Variants in FBXO31 observed in about 807,000 individuals in gnomAD.
The protein encoded by FBXO31 is F-box only protein 31.
FBXO31 carries 24 observed loss-of-function variants against 54.4 expected under a neutral mutation model. The observed-to-expected ratio is 0.44, with a 90% CI of 0.32 to 0.62. The LOEUF (loss-of-function observed/expected upper bound fraction) is 0.62, where lower values mean the gene tolerates loss of function less well. Ranked by LOEUF, FBXO31 falls within the 20% of genes least tolerant of loss-of-function variation. The probability of loss-of-function intolerance (pLI) is 0.05; values close to 1 mark genes in which losing one functional copy is unlikely to be tolerated. For missense variants in FBXO31, 665 were observed against 787.1 expected, an observed-to-expected ratio of 0.84 and a Z score of 1.86; for synonymous variants, 388 against 335.6, an observed-to-expected ratio of 1.16 and a Z score of -1.71.
In FBXO31 at chr16:87,383,563, G is replaced by C; in HGVS notation, c.182C>G (p.Pro61Arg). Residue 61 changes from proline (P) to arginine (R), a missense_variant, in exon 1 of 9, where the codon CCG becomes CGG. Physicochemically the swap from Pro to Arg is moderately radical, Grantham distance 103. This residue lies in a region of FBXO31 where 195 missense variants were observed against 174.8 expected (regional missense o/e 1.12). Transcript: ENST00000311635. The surrounding 1 kb of genome is among the most constrained non-coding windows in gnomAD (Gnocchi z 4.9). ...GGGLCAGPSP[P>R]PPRCSLLELP... ...CTCCAGCAGCGAGCAGCGCGGGGGC[G>C]GCGGCGAGGGGCCCGCGCACAAGCC... The C allele has an allele frequency of 2.0e-6, 3 of 1,525,978 alleles. 1 individual carries two copies. In the Middle Eastern group the frequency reaches 6.3e-4, roughly 318 times the overall value. 94.5% of individuals were successfully genotyped at this position (1,525,978 alleles called of 1,614,324 possible).
intron 2 of FBXO31, among the ~76,000 whole-genome samples, chr16:87,351,053 A>C (rs1905631358): frequency 6.6e-6 from 1 of 152,246 alleles, no homozygotes; most frequent in Non-Finnish European, 1.5e-5. Context: ...AACCATCCCA[A>C]GAGATGAGTC....
upstream of FBXO31, chr16:87,392,116 G>A (rs1907587146): frequency 3.5e-6 from 1 of 288,728 alleles, no homozygotes; most frequent in East Asian, 6.3e-5. Flanking sequence ...GGTGCTGGGC[G>A]GGGCTGGGGC....
At chr16:87,349,746 T>A (rs956027088) in intron 2 of FBXO31, among the ~76,000 whole-genome samples, 4 of 149,866 alleles carry the variant, frequency 2.7e-5, no homozygotes, top group African/African-American at 7.4e-5. Flanking sequence ...GCTATTTTTT[T>A]AAAATAAATT....
chr16:87,350,710 A>C (rs1040263093), intron 2 of FBXO31, among the ~76,000 whole-genome samples: 1 of 149,514 alleles, frequency 6.7e-6, no homozygotes, highest in Non-Finnish European at 1.5e-5. Context: ...TTTCATCATG[A>C]AATACTGGGG....
At chr16:87,353,403 T>C (rs1007368037) in intron 2 of FBXO31, among the ~76,000 whole-genome samples, 1 of 152,156 alleles carries the variant, frequency 6.6e-6, no homozygotes, top group Non-Finnish European at 1.5e-5. Flanking sequence ...CCCTAGAACC[T>C]CAGAATGTGG....
chr16:87,344,909 T>G (rs59083801), intron 3 of FBXO31, among the ~76,000 whole-genome samples: 17 of 80,696 alleles, frequency 2.1e-4, no homozygotes, highest in African/African-American at 3.8e-4. Flanking sequence ...GCCCATCCCT[T>G]CCCCAAACCC....
chr16:87,344,378 C>T (rs1365267784), intron 3 of FBXO31, among the ~76,000 whole-genome samples: 13 of 152,212 alleles, frequency 8.5e-5, no homozygotes, highest in Admixed American at 7.2e-4. Context: ...TGCGATCTCG[C>T]GTGTCCGGGC....
At chr16:87,344,395 C>A (rs891094) in intron 3 of FBXO31, among the ~76,000 whole-genome samples, 2 of 152,092 alleles carry the variant, frequency 1.3e-5, no homozygotes, top group South Asian at 4.1e-4. Context: ...GGGCGCCGAT[C>A]GTGCAAATGC....
In FBXO31 at chr16:87,383,344, G is replaced by A. The variant is rs550255330; in HGVS notation, c.340+61C>T. 2.3e-5 allele frequency: 32 copies of A among 1,362,472 alleles called. No individual in the cohort carries two copies. The Middle Eastern group carries it at 7.8e-4, about 33-fold the overall frequency. The allele number at this position is 1,362,472 out of a possible 1,614,324, so 84.4% of individuals were successfully genotyped here. On this transcript the variant is annotated intron_variant, in intron 1 of 8. Coordinates refer to ENST00000311635, the MANE Select transcript of FBXO31 (RefSeq NM_024735.5). The surrounding 1 kb of genome is among the most constrained non-coding windows in gnomAD (Gnocchi z 4.9). ...CACCGCCCCCGCCACTCCCAGCTCC[G>A]AGGCCTCCACCTGGCAGGGACCCCC...
chr16:87,388,642 G>C (rs1281436670), upstream of FBXO31: 1 of 152,192 alleles, frequency 6.6e-6, no homozygotes, highest in Non-Finnish European at 1.5e-5. Context: ...TGATTCATTT[G>C]ACAGGTTCTT....
chr16:87,385,368 G>T (rs1907292217), upstream of FBXO31, among the ~76,000 whole-genome samples: 1 of 151,758 alleles, frequency 6.6e-6, no homozygotes, highest in Non-Finnish European at 1.5e-5. Context: ...TGAGGCAGGA[G>T]AATGGTGTGA....
At chr16:87,380,990 AC>A (rs1437765904) in intron 1 of FBXO31, among the ~76,000 whole-genome samples, 3 of 152,156 alleles carry the variant, frequency 2.0e-5, no homozygotes, top group Non-Finnish European at 4.4e-5. Flanking sequence ...TCCCAAACAA[AC>A]CCCCCAGAGG....
chr16:87,380,629 C>T (rs115951476), intron 1 of FBXO31, among the ~76,000 whole-genome samples: 3,047 of 152,266 alleles, frequency 0.02, 108 homozygotes, highest in African/African-American at 0.07. Context: ...CTCAAGTGAT[C>T]TGCCAGCCTT....
Position 87,347,379 on chromosome 16 carries a change from G to A in FBXO31, c.413-129C>T. 3.9e-6 allele frequency: 3 copies of A among 765,874 alleles called. No homozygotes were observed. The Admixed American group carries it at 5.7e-5, about 15-fold the overall frequency. 47.4% of individuals were successfully genotyped at this position (765,874 alleles called of 1,614,324 possible). A position where few individuals can be genotyped will look rare whatever the true frequency, so the allele number is the denominator to read the frequency against. On this transcript the variant is annotated intron_variant, in intron 2 of 8. Coordinates refer to ENST00000311635, the MANE Select transcript of FBXO31 (RefSeq NM_024735.5). ...GCTTGCAAGAGCCCTCCAAACACATGCACACCAAGCCTCTAAAGATGTATC... is the reference window on the plus strand; with the variant it reads ...GCTTGCAAGAGCCCTCCAAACACATACACACCAAGCCTCTAAAGATGTATC...
At chr16:87,354,012 C>A (rs1455401695) in intron 2 of FBXO31, among the ~76,000 whole-genome samples, 4 of 152,266 alleles carry the variant, frequency 2.6e-5, no homozygotes, top group African/African-American at 7.2e-5. Context: ...TAATGGGATT[C>A]TGCCTCATGT....
intron 8 of FBXO31, 87 bp from the exon 9 acceptor site, chr16:87,331,597 T>A: frequency 8.9e-7 from 1 of 1,128,604 alleles, no homozygotes; most frequent in Non-Finnish European, 1.3e-6. Context: ...CCCCGCTCTG[T>A]GCCGCAAGAG....
At chr16:87,356,649 G>A (rs573203417) in intron 2 of FBXO31, among the ~76,000 whole-genome samples, 7 of 152,314 alleles carry the variant, frequency 4.6e-5, no homozygotes, top group Admixed American at 2.6e-4. Flanking sequence ...TCAGTAAAGC[G>A]GGACCCAGTT....
In FBXO31 at chr16:87,331,525, GAGGGA is replaced by G; in HGVS notation, c.1398-20_1398-16del. ...TGCCATAAAAACTGAGCAGAAACAA[GAGGGA>G]AACTGTGAGCTGGGGGAGGGCTGAG... On this transcript the variant is annotated splice_polypyrimidine_tract_variant and intron_variant, in intron 8 of 8. Coordinates refer to ENST00000311635, the MANE Select transcript of FBXO31 (RefSeq NM_024735.5). 1 of 1,583,306 alleles carries G rather than the reference GAGGGA, an allele frequency of 6.3e-7. No homozygotes were observed. Among genetic ancestry groups the G allele is most frequent in the Non-Finnish European group, 8.6e-7 (1 of 1,159,716 alleles).
At chr16:87,334,363 C>A in intron 7 of FBXO31, 77 bp from the exon 8 acceptor site, 1 of 1,363,932 alleles carries the variant, frequency 7.3e-7, no homozygotes, top group South Asian at 1.4e-5. Flanking sequence ...CAGCCCAGAT[C>A]CACCTCTGGC....
Sources: gnomAD v4.1 joint callset for allele counts (sites outside exome capture counted in the v4.1 genomes callset) on GRCh38, gnomAD v4.1.1 for gene constraint, gnomAD v4.1.1 regional missense constraint, Gnocchi (gnomAD v3.1) non-coding constraint, MANE v1.5 for transcripts, NCBI Gene and HGNC (gene_info 2026-07-23, HGNC 2026-07-21) for gene names.